Variants in PIGL observed in about 807,000 individuals in gnomAD.
PIGL encodes the protein phosphatidylinositol glycan anchor biosynthesis class L.
Under a neutral mutation model 31.1 loss-of-function variants are expected in PIGL, and 22 were observed. That is an observed-to-expected ratio of 0.71 (90% CI 0.51 to 1.01). The LOEUF (loss-of-function observed/expected upper bound fraction) is 1.01. Ranked by LOEUF, PIGL falls within the 50% of genes least tolerant of loss-of-function variation. The pLI is 0.00. For missense variants in PIGL, 302 were observed against 315.9 expected (o/e 0.96, Z 0.33); for synonymous variants, 131 against 117.4 (o/e 1.12, Z -0.75).
intron 3 of PIGL, among the ~76,000 whole-genome samples, chr17:16,309,336 A>G (rs9944524): frequency 0.44 from 67,022 of 152,090 alleles, 15,454 homozygotes; most frequent in Middle Eastern, 0.55. Flanking sequence ...GGACCTAAAG[A>G]GCAAAGCGAT....
intron 3 of PIGL, among the ~76,000 whole-genome samples, chr17:16,311,467 CTTT>C (rs778072602): frequency 1.1e-4 from 2 of 18,974 alleles, no homozygotes; most frequent in Non-Finnish European, 1.7e-4. Flanking sequence ...GGTTTTCTTT[CTTT>C]TTTTTTTTTT....
chr17:16,234,134 GAC>G, intron 2 of PIGL, 64 bp downstream of exon 2: 2 of 942,318 alleles, frequency 2.1e-6, no homozygotes, highest in East Asian at 2.4e-5. Context: ...ATACTCAAAA[GAC>G]ACACAAAAAA....
chr17:16,288,745 G>GAGT, intron 2 of PIGL, among the ~76,000 whole-genome samples: 1 of 150,888 alleles, frequency 6.6e-6, no homozygotes, highest in South Asian at 2.1e-4. Context: ...CTCCATGTTG[G>GAGT]TCAGGCTGGC....
intron 2 of PIGL, among the ~76,000 whole-genome samples, chr17:16,237,310 G>T (rs1374479872): frequency 1.3e-5 from 2 of 151,690 alleles, no homozygotes; most frequent in African/African-American, 4.8e-5. Flanking sequence ...GTTTCGCCAT[G>T]TTGGCCAGGC....
chr17:16,227,920 C>T (rs1467984148), intron 1 of PIGL, among the ~76,000 whole-genome samples: 1 of 151,828 alleles, frequency 6.6e-6, no homozygotes, highest in Non-Finnish European at 1.5e-5. Context: ...AAGACAACTT[C>T]TGTTTTATAG....
At chr17:16,325,612 G>A (rs542698189) in intron 6 of PIGL, among the ~76,000 whole-genome samples, 188 bp from the exon 7 acceptor site, 104 of 152,286 alleles carry the variant, frequency 6.8e-4, no homozygotes, top group African/African-American at 2.4e-3. Context: ...AGTAGGAGAT[G>A]GGAAAGCAGG....
intron 2 of PIGL, among the ~76,000 whole-genome samples, chr17:16,250,707 CAA>C (rs759281736): frequency 6.6e-6 from 1 of 152,016 alleles, no homozygotes; most frequent in Non-Finnish European, 1.5e-5. Flanking sequence ...CTGTCAGTGC[CAA>C]AAAAATAAAT....
intron 1 of PIGL, chr17:16,218,218 G>A (rs2092605786): frequency 6.6e-6 from 1 of 152,132 alleles, no homozygotes; most frequent in Non-Finnish European, 1.5e-5. Flanking sequence ...AATTGCCCAT[G>A]ACCTCTTTTC....
At chr17:16,231,774 C>T (rs1261267702) in intron 1 of PIGL, among the ~76,000 whole-genome samples, 1 of 152,258 alleles carries the variant, frequency 6.6e-6, no homozygotes, top group East Asian at 1.9e-4. Flanking sequence ...CAAACACACA[C>T]ATAATGTAGT....
chr17:16,282,425 A>T (rs1353342496), intron 2 of PIGL, among the ~76,000 whole-genome samples: 6 of 152,070 alleles, frequency 3.9e-5, no homozygotes, highest in African/African-American at 1.4e-4. Flanking sequence ...TTTTTTCACC[A>T]GTCTAGTTAC....
At chr17:16,220,304 C>T (rs1272120192) in intron 1 of PIGL, among the ~76,000 whole-genome samples, 4 of 151,912 alleles carry the variant, frequency 2.6e-5, no homozygotes, top group South Asian at 2.1e-4. Flanking sequence ...GCTGAGATCG[C>T]GCCACTGCAC....
intron 2 of PIGL, among the ~76,000 whole-genome samples, chr17:16,242,474 G>A (rs969054037): frequency 2.0e-5 from 3 of 151,988 alleles, no homozygotes; most frequent in Admixed American, 1.3e-4. Context: ...CTGCTAGTAT[G>A]TAGCTTTATT....
Position 16,316,967 on chromosome 17 carries a change from G to A in PIGL, c.526+255G>A, listed in dbSNP as rs745733130. The A allele has an allele frequency of 3.5e-4, 443 of 1,279,376 alleles. 1 individual carries two copies. The highest frequency in any genetic ancestry group is 3.4e-4 in the Non-Finnish European group (345 of 1,001,064). The allele number at this position is 1,279,376 out of a possible 1,614,324, so 79.3% of individuals were successfully genotyped here. ...CCTCAACCTGTCTAGCTTTTTCACA[G>A]GGTGGATGTTTTACACCTCTGGTAT... is the stretch of plus-strand genomic sequence containing the variant. On this transcript the variant is annotated intron_variant, in intron 5 of 6. Transcript: ENST00000225609.
chr17:16,258,069 AAGAGAGAGAGAG>A (rs749459552), intron 2 of PIGL, among the ~76,000 whole-genome samples: 15 of 90,548 alleles, frequency 1.7e-4, no homozygotes, highest in South Asian at 8.8e-4. Context: ...GTCAGAAAGA[AAGAGAGAGAGAG>A]AGAGAGAGAG....
intron 2 of PIGL, among the ~76,000 whole-genome samples, chr17:16,268,829 T>G (rs534751027): frequency 2.8e-5 from 4 of 144,232 alleles, no homozygotes; most frequent in Non-Finnish European, 6.1e-5. Context: ...GTGGCGCAAT[T>G]TCGGCTCACT....
intron 2 of PIGL, among the ~76,000 whole-genome samples, chr17:16,242,577 A>G (rs2092727250): frequency 6.6e-6 from 1 of 151,364 alleles, no homozygotes; most frequent in South Asian, 2.1e-4. Context: ...TTTTGTAGGT[A>G]AATCATCTGC....
At chr17:16,317,727 C>T (rs2093084016) in intron 5 of PIGL, 48 bp from the exon 6 acceptor site, 2 of 1,609,850 alleles carry the variant, frequency 1.2e-6, no homozygotes, top group Admixed American at 1.7e-5. Flanking sequence ...GAAAATCTGG[C>T]TGGAGGCCTC....
At chr17:16,308,159 C>A (rs969174313) in intron 3 of PIGL, among the ~76,000 whole-genome samples, 3 of 151,710 alleles carry the variant, frequency 2.0e-5, no homozygotes, top group African/African-American at 7.3e-5. Flanking sequence ...ATGGTGAAAC[C>A]CCATCTCTAC....
At chr17:16,275,031 CAA>C (rs761009824) in intron 2 of PIGL, among the ~76,000 whole-genome samples, 2 of 115,924 alleles carry the variant, frequency 1.7e-5, no homozygotes, top group African/African-American at 6.5e-5. Context: ...GACTCCGTCT[CAA>C]AAAAAAAAAA....
Sources: gnomAD v4.1 joint callset for allele counts (sites outside exome capture counted in the v4.1 genomes callset) on GRCh38, gnomAD v4.1.1 for gene constraint, MANE v1.5 for transcripts, NCBI Gene and HGNC (gene_info 2026-07-23, HGNC 2026-07-21) for gene names.